KCTD8: variants seen among roughly 807,000 people sequenced by gnomAD.
KCTD8 encodes the protein potassium channel tetramerization domain containing 8, also known as BTB/POZ domain-containing protein KCTD8.
In KCTD8, 27 loss-of-function variants were observed where a neutral mutation model predicts 31.5. That is an observed-to-expected ratio of 0.86 (90% CI 0.63 to 1.18). The LOEUF is 1.18. KCTD8 is among the 50% of genes most tolerant of loss of function. KCTD8 has a pLI of 0.00. For missense variants in KCTD8, 658 were observed against 647.7 expected (o/e 1.02, Z -0.17); for synonymous variants, 290 against 280.0 (o/e 1.04, Z -0.36).
chr4:44,225,169 C>T (rs995330466), intron 1 of KCTD8, among the ~76,000 whole-genome samples: 7 of 152,222 alleles, frequency 4.6e-5, no homozygotes, highest in Non-Finnish European at 8.8e-5. Context: ...ATCCCACATT[C>T]AACCTTTGTA....
At chr4:44,196,469 G>C (rs1489664089) in intron 1 of KCTD8, among the ~76,000 whole-genome samples, 3 of 152,196 alleles carry the variant, frequency 2.0e-5, no homozygotes, top group African/African-American at 7.2e-5. Context: ...TCTTGGAGAA[G>C]GGGGTTCAAG....
intron 1 of KCTD8, among the ~76,000 whole-genome samples, chr4:44,355,247 A>G (rs1719313444): frequency 6.6e-6 from 1 of 152,186 alleles, no homozygotes; most frequent in African/African-American, 2.4e-5. Context: ...GTCTTTTAAA[A>G]CAGAGAACAC....
chr4:44,284,400 G>T (rs1412592442), intron 1 of KCTD8, among the ~76,000 whole-genome samples: 1 of 152,148 alleles, frequency 6.6e-6, no homozygotes, highest in Non-Finnish European at 1.5e-5. Flanking sequence ...AAATGGTGTT[G>T]GGAAAACTGG....
intron 1 of KCTD8, among the ~76,000 whole-genome samples, chr4:44,278,893 G>C (rs956687158): frequency 5.3e-5 from 8 of 151,856 alleles, no homozygotes; most frequent in Non-Finnish European, 1.2e-4. Context: ...TTTCTTTATT[G>C]ATATGCTGTG....
intron 1 of KCTD8, among the ~76,000 whole-genome samples, chr4:44,198,602 A>G (rs1714019866): frequency 6.6e-6 from 1 of 152,146 alleles, no homozygotes; most frequent in Admixed American, 6.6e-5. Context: ...TCAGACAAAC[A>G]AACACTAAAG....
At chr4:44,406,130 A>G (rs1366088995) in intron 1 of KCTD8, among the ~76,000 whole-genome samples, 1 of 152,172 alleles carries the variant, frequency 6.6e-6, no homozygotes, top group Non-Finnish European at 1.5e-5. Flanking sequence ...GCATCCAAAA[A>G]CAAGGAGGTG....
intron 1 of KCTD8, among the ~76,000 whole-genome samples, chr4:44,296,423 C>T (rs567298491): frequency 6.6e-6 from 1 of 152,160 alleles, no homozygotes; most frequent in Non-Finnish European, 1.5e-5. Flanking sequence ...GTAACAGTGT[C>T]ACATGTGTTA....
In KCTD8 at chr4:44,388,362, C is replaced by T. The variant is rs912994291; in HGVS notation, c.961+59201G>A. On this transcript the variant is annotated intron_variant, in intron 1 of 1. Coordinates refer to ENST00000360029, the MANE Select transcript of KCTD8 (RefSeq NM_198353.3). ...AGCAATCCCATTACTGGGTATATGC[C>T]CAAAGGAATATAAACCATTCTATTA... Among the ~76,000 whole-genome samples, 3 of 151,760 alleles carry T rather than the reference C, an allele frequency of 2.0e-5. No homozygotes were observed. The South Asian group carries it at 6.2e-4, about 31-fold the overall frequency.
intron 1 of KCTD8, among the ~76,000 whole-genome samples, chr4:44,222,167 A>C (rs562853022): frequency 7.0e-4 from 106 of 152,356 alleles, no homozygotes; most frequent in African/African-American, 2.5e-3. Context: ...GTGAGATCAC[A>C]GAATAAGGAA....
At chr4:44,343,708 C>T (rs942893564) in intron 1 of KCTD8, among the ~76,000 whole-genome samples, 2 of 151,812 alleles carry the variant, frequency 1.3e-5, no homozygotes, top group African/African-American at 4.8e-5. Context: ...TTTAAAATAC[C>T]CAAATGTAGT....
intron 1 of KCTD8, among the ~76,000 whole-genome samples, chr4:44,310,362 T>C (rs950338259): frequency 6.6e-6 from 1 of 152,086 alleles, no homozygotes; most frequent in South Asian, 2.1e-4. Context: ...TCAGTGATTT[T>C]AGTGCTGCAA....
intron 1 of KCTD8, among the ~76,000 whole-genome samples, chr4:44,340,552 C>A (rs75122777): frequency 6.8e-5 from 1 of 14,700 alleles, no homozygotes; most frequent in Non-Finnish European, 1.4e-4. Context: ...TCATGATCCA[C>A]CCCGCCTCGG....
intron 1 of KCTD8, among the ~76,000 whole-genome samples, chr4:44,238,197 CG>C (rs972427459): frequency 1.1e-4 from 17 of 152,046 alleles, no homozygotes; most frequent in African/African-American, 1.4e-4. Flanking sequence ...AAGTTCTCCC[CG>C]CCCTACACTA....
chr4:44,425,648 T>C (rs1291866187), intron 1 of KCTD8, among the ~76,000 whole-genome samples: 2 of 151,986 alleles, frequency 1.3e-5, no homozygotes, highest in African/African-American at 2.4e-5. Flanking sequence ...TTTCTGGTTA[T>C]TACTGACAAG....
At chr4:44,381,618 T>C (rs919265766) in intron 1 of KCTD8, among the ~76,000 whole-genome samples, 2 of 152,066 alleles carry the variant, frequency 1.3e-5, no homozygotes, top group Non-Finnish European at 2.9e-5. Context: ...CGAAATGGGA[T>C]TGCCAATGCT....
intron 1 of KCTD8, among the ~76,000 whole-genome samples, chr4:44,364,249 A>T (rs1186508587): frequency 6.6e-6 from 1 of 152,150 alleles, no homozygotes; most frequent in Non-Finnish European, 1.5e-5. Context: ...AAAGAAAAAA[A>T]GCCTAATTTT....
chr4:44,265,195 C>T (rs1377742911), intron 1 of KCTD8, among the ~76,000 whole-genome samples: 7 of 152,136 alleles, frequency 4.6e-5, no homozygotes, highest in Non-Finnish European at 1.0e-4. Context: ...TGAGACAAAA[C>T]TTCCAGAGGA....
chr4:44,179,273 G>A (rs1005621650), intron 1 of KCTD8, among the ~76,000 whole-genome samples: 1 of 151,836 alleles, frequency 6.6e-6, no homozygotes, highest in Non-Finnish European at 1.5e-5. Context: ...CCAGGGCATG[G>A]TCGGAAATAG....
chr4:44,439,902 T>A (rs13150133), intron 1 of KCTD8, among the ~76,000 whole-genome samples: 4,998 of 37,266 alleles, frequency 0.13, 160 homozygotes, highest in East Asian at 0.48. Context: ...TCATTTATTT[T>A]TATTTATTTA....
Sources: allele counts gnomAD v4.1 joint callset (sites outside exome capture counted in the v4.1 genomes callset), GRCh38; gene constraint gnomAD v4.1.1; transcripts MANE v1.5; gene names NCBI Gene and HGNC (gene_info 2026-07-23, HGNC 2026-07-21).